Variants in ATXN7 observed in about 807,000 individuals in gnomAD.
The protein encoded by ATXN7 is ataxin 7.
In ATXN7, 12 loss-of-function variants were observed where a neutral mutation model predicts 70.5. The ratio of observed to expected loss-of-function variants is 0.17; its 90% confidence interval spans 0.11 to 0.28. The LOEUF (loss-of-function observed/expected upper bound fraction) is 0.28. Among genes scored for constraint, ATXN7 ranks in the 10% least tolerant of loss-of-function variants. The probability of loss-of-function intolerance (pLI) is 1.00; values close to 1 mark genes in which losing one functional copy is unlikely to be tolerated. For synonymous variants in ATXN7, 498 were observed against 448.7 expected (o/e 1.11, Z -1.39); for missense variants, 1,256 against 1,131.7 (o/e 1.11, Z -1.58).
chr3:63,977,731 TAGG>T, intron 5 of ATXN7, among the ~76,000 whole-genome samples: 1 of 152,254 alleles, frequency 6.6e-6, no homozygotes, highest in South Asian at 2.1e-4. Flanking sequence ...GAAGAAGCAG[TAGG>T]AGAGTAGGAA....
At chr3:63,895,766 C>T (rs1703424372) in intron 1 of ATXN7, among the ~76,000 whole-genome samples, 3 of 151,782 alleles carry the variant, frequency 2.0e-5, no homozygotes, top group Admixed American at 2.0e-4. Context: ...TCTTTTCTGT[C>T]TCTCTCTTGT....
intron 4 of ATXN7, among the ~76,000 whole-genome samples, chr3:63,941,461 CTAA>C (rs2074767696): frequency 6.6e-6 from 1 of 152,172 alleles, no homozygotes; most frequent in Non-Finnish European, 1.5e-5. Context: ...TAGAATCTAA[CTAA>C]TGTCTGATTA....
intron 4 of ATXN7, among the ~76,000 whole-genome samples, chr3:63,938,901 T>C (rs922268478): frequency 6.6e-6 from 1 of 152,228 alleles, no homozygotes; most frequent in African/African-American, 2.4e-5. Flanking sequence ...CAGATATTAA[T>C]GCATGGTTCT....
intron 4 of ATXN7, among the ~76,000 whole-genome samples, chr3:63,919,443 A>G (rs1056575819): frequency 2.6e-5 from 4 of 152,170 alleles, no homozygotes; most frequent in African/African-American, 9.6e-5. Context: ...GTCTATTTTG[A>G]AGGGGAGAAT....
At chr3:63,912,555 G>C in intron 2 of ATXN7, 33 bp from the exon 3 acceptor site, 1 of 1,109,336 alleles carries the variant, frequency 9.0e-7, no homozygotes, top group African/African-American at 1.7e-5. Flanking sequence ...GCCCCCGCGC[G>C]ACTCTTTCCC....
chr3:63,955,278 C>G (rs946101697), intron 5 of ATXN7, among the ~76,000 whole-genome samples: 2 of 152,092 alleles, frequency 1.3e-5, no homozygotes, highest in Admixed American at 6.6e-5. Flanking sequence ...GAGGAGAGTT[C>G]CTGGCAGAAA....
intron 1 of ATXN7, among the ~76,000 whole-genome samples, chr3:63,875,921 C>T (rs1420313560): frequency 6.6e-6 from 1 of 152,156 alleles, no homozygotes; most frequent in Non-Finnish European, 1.5e-5. Context: ...TTTGGCCAGA[C>T]CTTTTTGTAA....
chr3:64,003,443 T>G lies in ATXN7; in HGVS notation c.*3976T>G, dbSNP rs2075857114. ...AACAAGTTTCTGTAAATAAAATAAT[T>G]TATACTATTTATAAGAAAAGGTTGT... On this transcript the variant is annotated 3_prime_UTR_variant, in exon 13 of 13. Transcript: ENST00000674280. The G allele has an allele frequency of 6.6e-6, 1 of 152,170 alleles. No individual in the cohort carries two copies. Among genetic ancestry groups the G allele is most frequent in the Non-Finnish European group, 1.5e-5 (1 of 68,028 alleles). 9.4% of individuals were successfully genotyped at this position (152,170 alleles called of 1,614,324 possible). A position where few individuals can be genotyped will look rare whatever the true frequency, so the allele number is the denominator to read the frequency against.
At chr3:63,882,103 G>A (rs1179270465) in intron 1 of ATXN7, among the ~76,000 whole-genome samples, 1 of 152,142 alleles carries the variant, frequency 6.6e-6, no homozygotes, top group Non-Finnish European at 1.5e-5. Context: ...AGCATTGTGA[G>A]GTGAGGAATG....
chr3:63,996,076 T>A lies in ATXN7; in HGVS notation c.2254T>A (p.Ser752Thr). ...GCCTCCCTACCCCTCAACGGTAACATCTTCCCATAGCATCGGCCTCAACTG... is the reference window on the plus strand; with the variant it reads ...GCCTCCCTACCCCTCAACGGTAACAACTTCCCATAGCATCGGCCTCAACTG... The part of the protein sequence containing the change: ...SGPPYPSTVT[S>T]SHSIGLNCVT... Residue 752 changes from serine to threonine, a missense_variant, in exon 12 of 13, where the codon TCT becomes ACT. Transcript: ENST00000674280. 2 of 1,614,140 alleles carry A rather than the reference T, an allele frequency of 1.2e-6. No individual in the cohort carries two copies. Among genetic ancestry groups the A allele is most frequent in the Non-Finnish European group, 1.7e-6 (2 of 1,180,014 alleles).
intron 5 of ATXN7, among the ~76,000 whole-genome samples, chr3:63,969,958 T>C (rs2075285155): frequency 6.6e-6 from 1 of 152,182 alleles, no homozygotes; most frequent in Admixed American, 6.5e-5. Context: ...AGTGAAATTT[T>C]ACAAAATGAT....
In ATXN7 at chr3:63,912,643, C is replaced by CGCG. The variant is rs767487520; in HGVS notation, c.59_61dup (p.Ala20dup). 573 of 1,027,622 alleles carry CGCG rather than the reference C, an allele frequency of 5.6e-4. No individual in the cohort carries two copies. The highest frequency in any genetic ancestry group is 1.4e-3 in the Middle Eastern group (3 of 2,096). The allele number at this position is 1,027,622 out of a possible 1,614,324, so 63.7% of individuals were successfully genotyped here. On this transcript the variant is annotated inframe_insertion, in exon 3 of 13. Transcript: ENST00000674280. ...ATGACGTCAGGGGGGAGCCGCGCCG[C>CGCG]GCGGCGGCGGCGGCGGGCGGAGCAG...
At chr3:63,982,905 C>T (rs1372238002) in intron 7 of ATXN7, 34 bp from the exon 8 acceptor site, 1 of 1,535,228 alleles carries the variant, frequency 6.5e-7, no homozygotes, top group African/African-American at 1.4e-5. Flanking sequence ...GAGAGTTTGT[C>T]AGGCCACATG....
intron 1 of ATXN7, among the ~76,000 whole-genome samples, chr3:63,876,863 A>G (rs944811386): frequency 2.0e-5 from 3 of 152,310 alleles, no homozygotes; most frequent in South Asian, 2.1e-4. Context: ...ACTGCATATG[A>G]TATCATCTGC....
rs750136066 is a variant in ATXN7 at position 63,995,517 on chromosome 3, A to G, written c.1695A>G (p.Pro565=). 13 of 1,613,890 alleles carry G rather than the reference A, an allele frequency of 8.1e-6. No homozygotes were observed. Among genetic ancestry groups the G allele is most frequent in the Non-Finnish European group, 5.1e-6 (6 of 1,179,940 alleles). Residue 565 remains proline (P), a synonymous_variant, in exon 12 of 13, where the codon CCA becomes CCG. Coordinates refer to ENST00000674280, the MANE Select transcript of ATXN7 (RefSeq NM_001377405.1). ...LNAQLWKKIP[P]VPSTTSPIST... ...TAATTTTTTTCAGGAAAATCCCACC[A>G]GTGCCCAGTACCACCTCACCCATCT...
chr3:63,981,041 G>A (rs994493424), intron 6 of ATXN7, among the ~76,000 whole-genome samples: 2 of 152,192 alleles, frequency 1.3e-5, no homozygotes, highest in Admixed American at 1.3e-4. Flanking sequence ...GCCTGGTGAC[G>A]GATGGCTTTT....
Position 63,995,984 on chromosome 3 carries a change from C to G in ATXN7, c.2162C>G (p.Ser721Cys). 6.2e-7 allele frequency: 1 copy of G among 1,614,094 alleles called. No homozygotes were observed. Among genetic ancestry groups the G allele is most frequent in the Non-Finnish European group, 8.5e-7 (1 of 1,179,926 alleles). Reference protein sequence around the residue: ...SPLLVHSSSSSSSSSSSSHSM... With the variant: ...SPLLVHSSSSCSSSSSSSHSM... Reference sequence around the variant, plus strand: ...CTGTTGGTTCACTCTTCCTCCTCCTCTTCCTCCTCCTCCTCTTCTTCTCAT... The same window carrying G: ...CTGTTGGTTCACTCTTCCTCCTCCTGTTCCTCCTCCTCCTCTTCTTCTCAT... The change falls in exon 12 of 13, where the codon TCT becomes TGT. Residue 721 changes from serine to cysteine, a missense_variant. Coordinates refer to ENST00000674280, the MANE Select transcript of ATXN7 (RefSeq NM_001377405.1).
chr3:63,884,110 C>T (rs1702998523), intron 1 of ATXN7, among the ~76,000 whole-genome samples: 1 of 152,038 alleles, frequency 6.6e-6, no homozygotes, highest in Non-Finnish European at 1.5e-5. Flanking sequence ...TAATACCATT[C>T]TCCATTAAAA....
rs74434492 is a variant in ATXN7, at chr3:64,003,344, T to C, written c.*3877T>C. On this transcript the variant is annotated 3_prime_UTR_variant, in exon 13 of 13. Coordinates refer to ENST00000674280, the MANE Select transcript of ATXN7 (RefSeq NM_001377405.1). Reference sequence around the variant, plus strand: ...TTTGTGTTGGCTGCTGTATAGAACATGAACAAATGTCAAGGGATAGAAAAT... The same window carrying C: ...TTTGTGTTGGCTGCTGTATAGAACACGAACAAATGTCAAGGGATAGAAAAT... The C allele has an allele frequency of 1.3e-4, 19 of 151,476 alleles. No individual in the cohort carries two copies. In the East Asian group the frequency reaches 3.3e-3, roughly 26 times the overall value. 9.4% of individuals were successfully genotyped at this position (151,476 alleles called of 1,614,324 possible). A position where few individuals can be genotyped will look rare whatever the true frequency, so the allele number is the denominator to read the frequency against.
Sources: allele counts gnomAD v4.1 joint callset (sites outside exome capture counted in the v4.1 genomes callset), GRCh38; gene constraint gnomAD v4.1.1; transcripts MANE v1.5; gene names NCBI Gene and HGNC (gene_info 2026-07-23, HGNC 2026-07-21).